Variants in GARRE1 observed in about 807,000 individuals in gnomAD.
The protein encoded by GARRE1 is granule associated Rac and RHOG effector protein 1.
In GARRE1, 49 loss-of-function variants were observed where a neutral mutation model predicts 103.2. The ratio of observed to expected loss-of-function variants is 0.47; its 90% CI spans 0.38 to 0.60. The LOEUF is 0.60. Ranked by LOEUF, GARRE1 falls within the 20% of genes least tolerant of loss-of-function variation. The probability of loss-of-function intolerance (pLI) is 0.00; values close to 1 mark genes in which losing one functional copy is unlikely to be tolerated. For missense variants in GARRE1, 1,199 were observed against 1,370.5 expected (o/e 0.87, Z 1.98); for synonymous variants, 505 against 532.8 (o/e 0.95, Z 0.72).
intron 1 of GARRE1, among the ~76,000 whole-genome samples, chr19:34,292,570 C>T (rs1369701407): frequency 1.3e-5 from 2 of 151,956 alleles, no homozygotes; most frequent in Non-Finnish European, 2.9e-5. Flanking sequence ...TAGTAGCTAT[C>T]CCATTTTACT....
chr19:34,326,240 C>T lies in GARRE1; in HGVS notation c.706-1181C>T, dbSNP rs113740578. ...GTGAAACCAAAGCTTTGGAACTTTA[C>T]GGCATTATAGCTGCTAGTCATTTTC... On this transcript the variant is annotated intron_variant, in intron 3 of 13. Coordinates refer to ENST00000299505, the MANE Select transcript of GARRE1 (RefSeq NM_014686.5). 8.1e-3 allele frequency among the ~76,000 whole-genome samples: 1,235 copies of T among 152,280 alleles called. 8 individuals carry two copies. The highest frequency in any genetic ancestry group is 0.028 in the African/African-American group (1,148 of 41,544).
chr19:34,263,782 C>T (rs1281333687), intron 1 of GARRE1, among the ~76,000 whole-genome samples: 5 of 152,102 alleles, frequency 3.3e-5, no homozygotes, highest in Non-Finnish European at 5.9e-5. Context: ...TCACCGCACC[C>T]GGTCTATGTT....
At chr19:34,297,533 A>G (rs1326397356) in intron 1 of GARRE1, among the ~76,000 whole-genome samples, 2 of 152,178 alleles carry the variant, frequency 1.3e-5, no homozygotes, top group African/African-American at 4.8e-5. Flanking sequence ...AGGAACTAGG[A>G]AGCTGGTGCA....
chr19:34,283,944 G>A (rs548344786), intron 1 of GARRE1, among the ~76,000 whole-genome samples: 1 of 147,760 alleles, frequency 6.8e-6, no homozygotes, highest in East Asian at 2.0e-4. Context: ...CCATTCTCCT[G>A]CCTCAGCCTC....
At chr19:34,261,667 A>G (rs1307666563) in intron 1 of GARRE1, among the ~76,000 whole-genome samples, 2 of 152,122 alleles carry the variant, frequency 1.3e-5, no homozygotes, top group Non-Finnish European at 2.9e-5. Flanking sequence ...GACACGTCCA[A>G]AGGTGTGGAG....
At chr19:34,259,593 C>G (rs571762870) in intron 1 of GARRE1, among the ~76,000 whole-genome samples, 1 of 151,958 alleles carries the variant, frequency 6.6e-6, no homozygotes, top group Non-Finnish European at 1.5e-5. Flanking sequence ...AGAGATCTTG[C>G]GTGTCTTATT....
chr19:34,314,358 A>T (rs1325333708), intron 2 of GARRE1, among the ~76,000 whole-genome samples: 1 of 152,168 alleles, frequency 6.6e-6, no homozygotes, highest in African/African-American at 2.4e-5. Flanking sequence ...TTGCAAAAAA[A>T]AATCTATAGG....
At chr19:34,347,051 G>A (rs1341008249) in intron 10 of GARRE1, among the ~76,000 whole-genome samples, 1 of 150,810 alleles carries the variant, frequency 6.6e-6, no homozygotes, top group Non-Finnish European at 1.5e-5. Flanking sequence ...AGCCTCCCAA[G>A]TAGCTGTGAC....
chr19:34,339,799 T>A, intron 8 of GARRE1, 68 bp from the exon 9 acceptor site: 2 of 1,600,038 alleles, frequency 1.2e-6, no homozygotes, highest in African/African-American at 2.7e-5. Context: ...GCCTTTTCTA[T>A]GAGACCTGCT....
Position 34,265,549 on chromosome 19 carries a change from C to T in GARRE1, c.-796+10935C>T, listed in dbSNP as rs1169092600. On this transcript the variant is annotated intron_variant, in intron 1 of 13. Transcript: ENST00000299505. ...TGGGAGGAGCCATGACCTCTTTCCCCTCCAGCGCATAGGGCATTACTTCTT... is the reference window on the plus strand; with the variant it reads ...TGGGAGGAGCCATGACCTCTTTCCCTTCCAGCGCATAGGGCATTACTTCTT... 3 of 152,212 alleles carry T rather than the reference C, an allele frequency of 2.0e-5. No individual in the cohort carries two copies. The South Asian group carries it at 6.2e-4, about 32-fold the overall frequency. 9.4% of individuals were successfully genotyped at this position (152,212 alleles called of 1,614,324 possible). A position where few individuals can be genotyped will look rare whatever the true frequency, so the allele number is the denominator to read the frequency against.
At position 34,296,721 on chromosome 19, in the gene GARRE1, T is replaced by C. The variant is rs943684190; in HGVS notation, c.-795-2958T>C. The C allele has an allele frequency of 1.3e-5, 9 of 703,412 alleles. No homozygotes were observed. The Middle Eastern group carries it at 1.5e-3, about 121-fold the overall frequency. The allele number at this position is 703,412 out of a possible 1,614,324, so 43.6% of individuals were successfully genotyped here. A position where few individuals can be genotyped will look rare whatever the true frequency, so the allele number is the denominator to read the frequency against. On this transcript the variant is annotated intron_variant, in intron 1 of 13. Transcript: ENST00000299505. ...TTTTCGGGACTGGTTGTGTGTGGTATGGTTCTTGGACTTGGCCCTGTCTGT... is the reference window on the plus strand; with the variant it reads ...TTTTCGGGACTGGTTGTGTGTGGTACGGTTCTTGGACTTGGCCCTGTCTGT...
intron 10 of GARRE1, among the ~76,000 whole-genome samples, chr19:34,343,414 C>G (rs1045260011): frequency 2.6e-5 from 4 of 151,310 alleles, no homozygotes; most frequent in African/African-American, 9.7e-5. Flanking sequence ...CCCAGCCTGG[C>G]TGACAGAGAG....
intron 1 of GARRE1, among the ~76,000 whole-genome samples, chr19:34,297,674 A>C (rs563114505): frequency 6.6e-5 from 10 of 152,210 alleles, no homozygotes; most frequent in Non-Finnish European, 1.5e-4. Flanking sequence ...GCATTCCTGT[A>C]GAGTGCTTCT....
At chr19:34,302,292 GTTTTTTT>G (rs397786603) in intron 2 of GARRE1, among the ~76,000 whole-genome samples, 1 of 92,048 alleles carries the variant, frequency 1.1e-5, no homozygotes, top group Non-Finnish European at 1.9e-5. Flanking sequence ...GCGCCCAGCC[GTTTTTTT>G]TTTTTTTTTT....
intron 1 of GARRE1, among the ~76,000 whole-genome samples, chr19:34,294,702 A>G (rs2073937772): frequency 2.0e-5 from 3 of 151,786 alleles, no homozygotes; most frequent in African/African-American, 7.3e-5. Context: ...AAAACTGGAC[A>G]TTTTATTTTA....
chr19:34,291,805 A>G (rs1156883676), intron 1 of GARRE1, among the ~76,000 whole-genome samples: 1 of 152,046 alleles, frequency 6.6e-6, no homozygotes, highest in Non-Finnish European at 1.5e-5. Context: ...GAACATTTTC[A>G]TCACTCCCCA....
intron 2 of GARRE1, among the ~76,000 whole-genome samples, chr19:34,303,352 C>T (rs1426015789): frequency 2.0e-5 from 3 of 152,130 alleles, no homozygotes; most frequent in Admixed American, 2.0e-4. Context: ...TCTTTTGGGT[C>T]GGATCTGATT....
At chr19:34,270,669 T>G (rs2073781939) in intron 1 of GARRE1, among the ~76,000 whole-genome samples, 1 of 152,190 alleles carries the variant, frequency 6.6e-6, no homozygotes, top group African/African-American at 2.4e-5. Flanking sequence ...TATTTAGCAT[T>G]TATCAGTCTC....
In GARRE1 at chr19:34,327,986, C is replaced by A; in HGVS notation, c.943-4C>A. The stretch of plus-strand genomic sequence containing the variant: ...CTCTCCTCTTCCATCCATGCCTTTT[C>A]CAGGGCTGCTGCAGCGAGGCGGAAG... On this transcript the variant is annotated splice_polypyrimidine_tract_variant and splice_region_variant and intron_variant, in intron 5 of 13. Transcript: ENST00000299505. 6.2e-7 allele frequency: 1 copy of A among 1,614,164 alleles called. No homozygotes were observed. The highest frequency in any genetic ancestry group is 1.1e-5 in the South Asian group (1 of 91,082).
Sources: allele counts gnomAD v4.1 joint callset (sites outside exome capture counted in the v4.1 genomes callset), GRCh38; gene constraint gnomAD v4.1.1; transcripts MANE v1.5; gene names NCBI Gene and HGNC (gene_info 2026-07-23, HGNC 2026-07-21).